ZNF407: variants seen among roughly 807,000 people sequenced by gnomAD.
ZNF407 encodes zinc finger protein 407.
ZNF407 carries 17 observed loss-of-function variants against 131.2 expected under a neutral mutation model. That is an observed-to-expected ratio of 0.13 (90% confidence interval 0.09 to 0.19). The LOEUF (loss-of-function observed/expected upper bound fraction) is 0.19, where lower values mean the gene tolerates loss of function less well. Ranked by LOEUF, ZNF407 falls within the 10% of genes least tolerant of loss-of-function variation. The probability of loss-of-function intolerance (pLI) is 1.00; values close to 1 mark genes in which losing one functional copy is unlikely to be tolerated. For synonymous variants in ZNF407, 1,156 were observed against 1,062.0 expected (o/e 1.09, Z -1.72); for missense variants, 2,681 against 2,830.6 (o/e 0.95, Z 1.20).
At chr18:74,980,023 C>T (rs765309745) in intron 8 of ZNF407, among the ~76,000 whole-genome samples, 23 of 151,536 alleles carry the variant, frequency 1.5e-4, no homozygotes, top group African/African-American at 4.1e-4. Flanking sequence ...AGAAATACTG[C>T]GAATATTATA....
Position 74,634,422 on chromosome 18 carries a change from A to G in ZNF407, c.3403A>G (p.Asn1135Asp). 1.9e-6 allele frequency: 3 copies of G among 1,613,470 alleles called. No homozygotes were observed. Among genetic ancestry groups the G allele is most frequent in the Non-Finnish European group, 2.5e-6 (3 of 1,179,768 alleles). Reference protein sequence around the residue: ...ADCSILNENTNLDMSKVLCAA... With the variant: ...ADCSILNENTDLDMSKVLCAA... ...TTGCTCTATTTTAAATGAGAATACTAATTTAGATATGTCTAAAGTGCTCTG... is the reference window on the plus strand; with the variant it reads ...TTGCTCTATTTTAAATGAGAATACTGATTTAGATATGTCTAAAGTGCTCTG... Residue 1135 changes from asparagine to aspartate, a missense_variant, in exon 2 of 9, where the codon AAT (asparagine) becomes GAT (aspartate). Coordinates refer to ENST00000299687, the MANE Select transcript of ZNF407 (RefSeq NM_017757.3).
At chr18:74,844,129 G>T (rs1970670355) in intron 4 of ZNF407, among the ~76,000 whole-genome samples, 1 of 152,116 alleles carries the variant, frequency 6.6e-6, no homozygotes, top group South Asian at 2.1e-4. Context: ...TGACTCTACT[G>T]CCCTGCTCCT....
In ZNF407 at chr18:75,064,531, C is replaced by A; in HGVS notation, c.*63C>A. On this transcript the variant is annotated 3_prime_UTR_variant, in exon 9 of 9. Coordinates refer to ENST00000299687, the MANE Select transcript of ZNF407 (RefSeq NM_017757.3). Reference sequence around the variant, plus strand: ...GGAAGGTCCAGCTTCGGTGGGGGACCGTGTTCCCTGAGCTTCATCTGAAAC... The same window carrying A: ...GGAAGGTCCAGCTTCGGTGGGGGACAGTGTTCCCTGAGCTTCATCTGAAAC... 7.4e-7 allele frequency: 1 copy of A among 1,347,580 alleles called. No homozygotes were observed. The highest frequency in any genetic ancestry group is 9.9e-7 in the Non-Finnish European group (1 of 1,009,492). The allele number at this position is 1,347,580 out of a possible 1,614,324, so 83.5% of individuals were successfully genotyped here.
intron 3 of ZNF407, among the ~76,000 whole-genome samples, chr18:74,666,850 G>T (rs1033163466): frequency 2.6e-5 from 4 of 152,158 alleles, no homozygotes; most frequent in Non-Finnish European, 5.9e-5. Flanking sequence ...ATGCTAAATT[G>T]TATGTTGGAA....
intron 3 of ZNF407, among the ~76,000 whole-genome samples, chr18:74,722,064 GTT>G (rs113844354): frequency 7.0e-6 from 1 of 142,200 alleles, no homozygotes; most frequent in African/African-American, 2.6e-5. Context: ...GTCTTTGTCT[GTT>G]TTTTTTTTCA....
intron 4 of ZNF407, among the ~76,000 whole-genome samples, chr18:74,835,705 G>T (rs1970549365): frequency 6.6e-6 from 1 of 151,174 alleles, no homozygotes; most frequent in Non-Finnish European, 1.5e-5. Flanking sequence ...TTGACTGTAG[G>T]TATATTTTCA....
intron 3 of ZNF407, among the ~76,000 whole-genome samples, chr18:74,654,812 A>C (rs906507118): frequency 2.0e-5 from 3 of 151,800 alleles, no homozygotes; most frequent in Non-Finnish European, 4.4e-5. Flanking sequence ...CATTTGCTTT[A>C]ACTGTTCATT....
intron 3 of ZNF407, among the ~76,000 whole-genome samples, chr18:74,707,556 T>C (rs1599086153): frequency 6.6e-6 from 1 of 152,290 alleles, no homozygotes; most frequent in East Asian, 1.9e-4. Flanking sequence ...GCTCCAAAAG[T>C]TTCGGATTTC....
intron 8 of ZNF407, among the ~76,000 whole-genome samples, chr18:75,000,658 C>G (rs1465948369): frequency 6.6e-6 from 1 of 151,920 alleles, no homozygotes; most frequent in Non-Finnish European, 1.5e-5. Flanking sequence ...AAAGATGCAT[C>G]TATTTTTAAT....
chr18:74,807,246 G>A (rs1970123833), intron 4 of ZNF407, among the ~76,000 whole-genome samples: 1 of 152,138 alleles, frequency 6.6e-6, no homozygotes, highest in Non-Finnish European at 1.5e-5. Context: ...GAGTATTCTA[G>A]GTGGAGGGAA....
chr18:74,811,045 GCTT>G (rs1322823802), intron 4 of ZNF407, among the ~76,000 whole-genome samples: 23 of 152,062 alleles, frequency 1.5e-4, no homozygotes, highest in Admixed American at 1.3e-3. Flanking sequence ...AAACTAAAGA[GCTT>G]CTGTACAGCA....
intron 3 of ZNF407, among the ~76,000 whole-genome samples, chr18:74,743,627 T>C (rs1011283393): frequency 6.6e-6 from 1 of 152,150 alleles, no homozygotes. Context: ...AGTTCCCTAA[T>C]TGGTATTCAT....
At chr18:74,735,424 A>G (rs1324298202) in intron 3 of ZNF407, among the ~76,000 whole-genome samples, 2 of 152,222 alleles carry the variant, frequency 1.3e-5, no homozygotes, top group African/African-American at 2.4e-5. Flanking sequence ...AAGCCATGAT[A>G]CATGATTTTC....
intron 3 of ZNF407, among the ~76,000 whole-genome samples, chr18:74,715,528 A>G (rs1472011733): frequency 6.6e-6 from 1 of 152,170 alleles, no homozygotes; most frequent in Non-Finnish European, 1.5e-5. Context: ...TTCAGTGTGG[A>G]TGCTTGGGGA....
chr18:74,751,535 A>T (rs2144945503), intron 3 of ZNF407, among the ~76,000 whole-genome samples: 1 of 149,866 alleles, frequency 6.7e-6, no homozygotes, highest in South Asian at 2.1e-4. Flanking sequence ...CCCCCACCAC[A>T]CGACAGGCCC....
chr18:74,920,395 A>G (rs1971830896), intron 7 of ZNF407, 119 bp from the exon 8 acceptor site: 5 of 724,864 alleles, frequency 6.9e-6, no homozygotes, highest in Non-Finnish European at 1.0e-5. Context: ...TTATTATATG[A>G]GTACAGCACT....
intron 7 of ZNF407, among the ~76,000 whole-genome samples, chr18:74,906,845 TGTGA>T (rs144415801): frequency 0.019 from 2,875 of 152,288 alleles, 92 homozygotes; most frequent in African/African-American, 0.063. Context: ...ACTGTGTATA[TGTGA>T]GTATTTTATG....
chr18:74,903,315 G>GCA (rs541863813), intron 7 of ZNF407, among the ~76,000 whole-genome samples: 244 of 152,152 alleles, frequency 1.6e-3, no homozygotes, highest in Middle Eastern at 0.014. Flanking sequence ...ATTCATATAT[G>GCA]CACACATATA....
intron 1 of ZNF407, among the ~76,000 whole-genome samples, chr18:74,629,955 C>T (rs1384829471): frequency 1.3e-5 from 2 of 151,966 alleles, no homozygotes; most frequent in South Asian, 4.2e-4. Flanking sequence ...CTGACATTTC[C>T]CTTTGCCATT....
Sources: gnomAD v4.1 joint callset for allele counts (sites outside exome capture counted in the v4.1 genomes callset) on GRCh38, gnomAD v4.1.1 for gene constraint, MANE v1.5 for transcripts, NCBI Gene and HGNC (gene_info 2026-07-23, HGNC 2026-07-21) for gene names.